Variants in CNTN2 observed in about 807,000 individuals in gnomAD.
CNTN2 encodes contactin-2.
Under a neutral mutation model 117.5 loss-of-function variants are expected in CNTN2, and 53 were observed. That is an observed-to-expected ratio of 0.45 (90% CI 0.36 to 0.57). The LOEUF is 0.57. Among genes scored for constraint, CNTN2 ranks in the 20% least tolerant of loss-of-function variants. CNTN2 has a pLI of 0.00. For synonymous variants in CNTN2, 530 were observed against 561.7 expected, an observed-to-expected ratio of 0.94 and a Z score of 0.80; for missense variants, 1,106 against 1,404.3, an observed-to-expected ratio of 0.79 and a Z score of 3.39.
intron 18 of CNTN2, 177 bp from the exon 19 acceptor site, chr1:205,070,248 AG>A (rs1654523145): frequency 2.8e-6 from 2 of 722,420 alleles, no homozygotes; most frequent in Non-Finnish European, 4.6e-6. Context: ...GGTTAGGAAA[AG>A]GGAGGCTCTC....
At chr1:205,044,461 G>T (rs1000054487) in intron 1 of CNTN2, among the ~76,000 whole-genome samples, 17 of 151,464 alleles carry the variant, frequency 1.1e-4, no homozygotes, top group Admixed American at 9.2e-4. Flanking sequence ...TGTGTCCTGG[G>T]GGGGGGGGTC....
chr1:205,074,606 C>G lies in CNTN2; in HGVS notation c.*841C>G, dbSNP rs1437936200. On this transcript the variant is annotated 3_prime_UTR_variant, in exon 23 of 23. Coordinates refer to ENST00000331830, the MANE Select transcript of CNTN2 (RefSeq NM_005076.5). ...ACTAAAGGGCTTGTCTTGGTGGGGT[C>G]TCCCACCCCTCCAAGACCCATTCTG... 5.0e-6 allele frequency: 2 copies of G among 398,812 alleles called. No individual in the cohort carries two copies. The highest frequency in any genetic ancestry group is 4.1e-5 in the African/African-American group (2 of 48,644). The allele number at this position is 398,812 out of a possible 1,614,324, so 24.7% of individuals were successfully genotyped here.
Position 205,058,948 on chromosome 1 carries a change from T to C in CNTN2, c.488-136T>C. The C allele has an allele frequency of 1.3e-6, 1 of 793,482 alleles. No individual in the cohort carries two copies. Among genetic ancestry groups the C allele is most frequent in the South Asian group, 1.7e-5 (1 of 58,028 alleles). The allele number at this position is 793,482 out of a possible 1,614,324, so 49.2% of individuals were successfully genotyped here. A position where few individuals can be genotyped will look rare whatever the true frequency, so the allele number is the denominator to read the frequency against. Reference sequence around the variant, plus strand: ...TAAAGTCACTTCTTCCCTCTAGGTCTCCCCTTAGCCCCAGTTCAGAGCATG... The same window carrying C: ...TAAAGTCACTTCTTCCCTCTAGGTCCCCCCTTAGCCCCAGTTCAGAGCATG... On this transcript the variant is annotated intron_variant, in intron 5 of 22. Transcript: ENST00000331830. The surrounding 1 kb of genome is among the most constrained non-coding windows in gnomAD (Gnocchi z 4.3).
chr1:205,052,485 G>T (rs1463212406), intron 1 of CNTN2, among the ~76,000 whole-genome samples: 1 of 152,240 alleles, frequency 6.6e-6, no homozygotes, highest in Admixed American at 6.5e-5. Flanking sequence ...GACCCAGAAA[G>T]CCTGCTGGGC....
chr1:205,071,736 C>T (rs1654602248), intron 19 of CNTN2, among the ~76,000 whole-genome samples: 1 of 152,194 alleles, frequency 6.6e-6, no homozygotes, highest in African/African-American at 2.4e-5. Flanking sequence ...GTCTTGAGCA[C>T]CTTCCTTGAA....
In CNTN2 at chr1:205,065,472, A is replaced by G. The variant is rs1227218691; in HGVS notation, c.1695+210A>G. On this transcript the variant is annotated intron_variant, in intron 13 of 22. Coordinates refer to ENST00000331830, the MANE Select transcript of CNTN2 (RefSeq NM_005076.5). The surrounding 1 kb of genome is among the most constrained non-coding windows in gnomAD (Gnocchi z 4.1). ...CCATGCATTTAGGAGAGGGTTAGGG[A>G]CAAACCTGGAGTTGTGGGCAGCCAC... Among the ~76,000 whole-genome samples the G allele has an allele frequency of 6.6e-6, 1 of 152,032 alleles. No individual in the cohort carries two copies. The highest frequency in any genetic ancestry group is 2.4e-5 in the African/African-American group (1 of 41,390).
At position 205,059,199 on chromosome 1, in the gene CNTN2, C is replaced by T. The variant is rs935607601; in HGVS notation, c.603C>T (p.Asp201=). The T allele has an allele frequency of 4.3e-6, 7 of 1,614,222 alleles. No individual in the cohort carries two copies. Among genetic ancestry groups the T allele is most frequent in the Non-Finnish European group, 5.9e-6 (7 of 1,180,042 alleles). The change falls in exon 6 of 23, where the codon GAC becomes GAT. Residue 201 remains aspartate, a synonymous_variant. Coordinates refer to ENST00000331830, the MANE Select transcript of CNTN2 (RefSeq NM_005076.5). The surrounding 1 kb of genome is among the most constrained non-coding windows in gnomAD (Gnocchi z 5.6). ...ACATTGCCCGAACCAATGCCTCAGA[C>T]CTGGGCAACTACTCCTGTTTGGCCA... is the stretch of plus-strand genomic sequence containing the variant. ...NLYIARTNAS[D]LGNYSCLATS...
At position 205,061,986 on chromosome 1, in the gene CNTN2, GCCTCTGGCCT is replaced by G; in HGVS notation, c.1098_1107del (p.Leu367ArgfsTer16). On this transcript the variant is annotated frameshift_variant, in exon 9 of 23. Coordinates refer to ENST00000331830, the MANE Select transcript of CNTN2 (RefSeq NM_005076.5). LOFTEE classifies it high-confidence loss of function. This position sits in a 1 kb window ranked among gnomAD's most constrained non-coding sequence, Gnocchi z 4.8. The stretch of plus-strand genomic sequence containing the variant: ...CAGTGCGCTGGCTGCGGAACGGGGA[GCCTCTGGCCT>G]CCCAGGTAGGAGACATGGGGCTTCC... The G allele has an allele frequency of 6.2e-7, 1 of 1,613,388 alleles. No homozygotes were observed. Among genetic ancestry groups the G allele is most frequent in the Non-Finnish European group, 8.5e-7 (1 of 1,179,828 alleles).
At chr1:205,072,340 TG>T in intron 20 of CNTN2, 142 bp from the exon 21 acceptor site, 3 of 790,214 alleles carry the variant, frequency 3.8e-6, no homozygotes, top group Non-Finnish European at 5.8e-6. Flanking sequence ...TGGATTTTCA[TG>T]GGCTTTGTTT....
chr1:205,069,439 T>C (rs1654465144), intron 16 of CNTN2, 52 bp from the exon 17 acceptor site: 2 of 1,587,760 alleles, frequency 1.3e-6, no homozygotes, highest in African/African-American at 1.3e-5. Context: ...AGGGCTTTCA[T>C]TTTTTCCTTG....
rs749026189 is a variant in CNTN2 at position 205,073,918 on chromosome 1, A to G, written c.*153A>G. On this transcript the variant is annotated 3_prime_UTR_variant, in exon 23 of 23. Transcript: ENST00000331830. This position sits in a 1 kb window ranked among gnomAD's most constrained non-coding sequence, Gnocchi z 6.3. ...CAGTGCCCTTTTTGTAGGAGGTAGG[A>G]TATTTTATATTCTGCCGCAGGATAG... 5 of 633,768 alleles carry G rather than the reference A, an allele frequency of 7.9e-6. No homozygotes were observed. Among genetic ancestry groups the G allele is most frequent in the Non-Finnish European group, 1.1e-5 (4 of 358,230 alleles). 39.3% of individuals were successfully genotyped at this position (633,768 alleles called of 1,614,324 possible).
rs531063248 is a variant in CNTN2 at position 205,064,375 on chromosome 1, C to T, written c.1294C>T (p.Arg432Cys). The change falls in exon 11 of 23, where the codon CGC (arginine) becomes TGC (cysteine). Residue 432 changes from arginine to cysteine, a missense_variant. Arg to Cys is a radical substitution (Grantham distance 180, BLOSUM62 -3). Coordinates refer to ENST00000331830, the MANE Select transcript of CNTN2 (RefSeq NM_005076.5). Reference sequence around the variant, plus strand: ...CGTGAGGCGTCTGATCCCCGCGGCCCGCGGGGGAGAGATCCTTATCCCCTG... The same window carrying T: ...CGTGAGGCGTCTGATCCCCGCGGCCTGCGGGGGAGAGATCCTTATCCCCTG... ...NPVRRLIPAA[R>C]GGEILIPCQP... The T allele has an allele frequency of 1.3e-5, 21 of 1,608,550 alleles. No individual in the cohort carries two copies. The Admixed American group carries it at 1.5e-4, about 12-fold the overall frequency.
chr1:205,052,512 T>C (rs1187740071), intron 1 of CNTN2, among the ~76,000 whole-genome samples: 1 of 152,170 alleles, frequency 6.6e-6, no homozygotes, highest in Non-Finnish European at 1.5e-5. Flanking sequence ...ACCCATCTGG[T>C]TGGGGGCATT....
intron 15 of CNTN2, 22 bp downstream of exon 15, chr1:205,066,621 G>C (rs1271121922): frequency 6.2e-7 from 1 of 1,612,720 alleles, no homozygotes; most frequent in Non-Finnish European, 8.5e-7. Flanking sequence ...CCCCACCTGG[G>C]TCAGTGCTGA....
rs1654734751 is a variant in CNTN2 at position 205,073,972 on chromosome 1, A to T, written c.*207A>T. The T allele has an allele frequency of 6.6e-6, 4 of 603,068 alleles. No individual in the cohort carries two copies. Among genetic ancestry groups the T allele is most frequent in the Non-Finnish European group, 1.2e-5 (4 of 338,722 alleles). The allele number at this position is 603,068 out of a possible 1,614,324, so 37.4% of individuals were successfully genotyped here. A position where few individuals can be genotyped will look rare whatever the true frequency, so the allele number is the denominator to read the frequency against. On this transcript the variant is annotated 3_prime_UTR_variant, in exon 23 of 23. Transcript: ENST00000331830. The surrounding 1 kb of genome is among the most constrained non-coding windows in gnomAD (Gnocchi z 6.3). ...CCACGCAAGGATTTTCTTTAAATTGAGAGGCACCAGGCAGTAACTTCCATG... is the reference window on the plus strand; with the variant it reads ...CCACGCAAGGATTTTCTTTAAATTGTGAGGCACCAGGCAGTAACTTCCATG...
chr1:205,074,451 G>A lies in CNTN2; in HGVS notation c.*686G>A, dbSNP rs1039548123. The A allele has an allele frequency of 2.5e-6, 1 of 398,632 alleles. No homozygotes were observed. The highest frequency in any genetic ancestry group is 4.4e-6 in the Non-Finnish European group (1 of 226,320). The allele number at this position is 398,632 out of a possible 1,614,324, so 24.7% of individuals were successfully genotyped here. The stretch of plus-strand genomic sequence containing the variant: ...AGCCAAAAAGAGTTGAGAGGCCAGG[G>A]CCCTTGGTGGAAAGGGGCACCAGCC... On this transcript the variant is annotated 3_prime_UTR_variant, in exon 23 of 23. Coordinates refer to ENST00000331830, the MANE Select transcript of CNTN2 (RefSeq NM_005076.5).
At chr1:205,072,312 T>A in intron 20 of CNTN2, 171 bp from the exon 21 acceptor site, 1 of 817,246 alleles carries the variant, frequency 1.2e-6, no homozygotes, top group Non-Finnish European at 1.9e-6. Context: ...CTGAAGCGTC[T>A]CACACTTCTC....
rs1654830135 is a variant in CNTN2, at chr1:205,075,764, C to A, written c.*1999C>A. On this transcript the variant is annotated 3_prime_UTR_variant, in exon 23 of 23. Transcript: ENST00000331830. ...AAAGCCTCCTCACCTCTTCCCAACCCTTACAAGCAAGGGTGCTAGGGGCTC... is the reference window on the plus strand; with the variant it reads ...AAAGCCTCCTCACCTCTTCCCAACCATTACAAGCAAGGGTGCTAGGGGCTC... 2.0e-5 allele frequency: 3 copies of A among 151,644 alleles called. No homozygotes were observed. In the South Asian group the frequency reaches 6.3e-4, roughly 32 times the overall value. 9.4% of individuals were successfully genotyped at this position (151,644 alleles called of 1,614,324 possible).
Position 205,059,613 on chromosome 1 carries a change from C to T in CNTN2, c.728C>T (p.Ala243Val), listed in dbSNP as rs1268512183. 1 of 1,614,168 alleles carries T rather than the reference C, an allele frequency of 6.2e-7. No homozygotes were observed. The highest frequency in any genetic ancestry group is 1.1e-5 in the South Asian group (1 of 91,084). ...CGGCTCTTTGCACCCAGCATCAAGG[C>T]CCGGTTCCCAGCAGAGACCTATGCA... ...DTRLFAPSIKARFPAETYALV... is the reference protein window; with the variant it reads ...DTRLFAPSIKVRFPAETYALV... Residue 243 changes from alanine (A) to valine (V), a missense_variant, in exon 7 of 23, where the codon GCC (alanine) becomes GTC (valine). Transcript: ENST00000331830. The surrounding 1 kb of genome is among the most constrained non-coding windows in gnomAD (Gnocchi z 5.6).
Sources: allele counts gnomAD v4.1 joint callset (sites outside exome capture counted in the v4.1 genomes callset), GRCh38; gene constraint gnomAD v4.1.1; non-coding constraint Gnocchi (gnomAD v3.1); transcripts MANE v1.5; gene names NCBI Gene and HGNC (gene_info 2026-07-23, HGNC 2026-07-21).